The following CDC123 variants were observed in gnomAD, a reference collection of about 807,000 sequenced individuals.
The protein encoded by CDC123 is cell division cycle 123, also known as translation initiation factor eIF2 assembly protein.
A neutral mutation model predicts 54.4 loss-of-function variants in CDC123; 37 were observed. That is an observed-to-expected ratio of 0.68 (90% CI 0.52 to 0.89). CDC123 has a LOEUF of 0.89. CDC123 is among the 40% of genes least tolerant of loss of function. CDC123 has a pLI of 0.00. For missense variants in CDC123, 361 were observed against 412.1 expected (o/e 0.88, Z 1.07); for synonymous variants, 144 against 136.8 (o/e 1.05, Z -0.37).
chr10:12,226,262 A>G (rs1422696553), intron 6 of CDC123, among the ~76,000 whole-genome samples: 1 of 152,138 alleles, frequency 6.6e-6, no homozygotes, highest in Non-Finnish European at 1.5e-5. Context: ...CCCGTTCTCA[A>G]TGAGCTGTTG....
At chr10:12,213,032 A>G (rs1272524943) in intron 4 of CDC123, among the ~76,000 whole-genome samples, 1 of 152,218 alleles carries the variant, frequency 6.6e-6, no homozygotes, top group Admixed American at 6.5e-5. Flanking sequence ...TTATAGTACT[A>G]AAGGCACTAA....
chr10:12,221,589 C>G (rs1451474390), intron 6 of CDC123, among the ~76,000 whole-genome samples: 1 of 152,164 alleles, frequency 6.6e-6, no homozygotes, highest in Non-Finnish European at 1.5e-5. Flanking sequence ...TTAGATCAAG[C>G]TTGTCCAAGC....
Position 12,198,716 on chromosome 10 carries a change from C to A in CDC123, c.86C>A (p.Pro29Gln). 1.3e-6 allele frequency: 2 copies of A among 1,580,804 alleles called. No individual in the cohort carries two copies. Among genetic ancestry groups the A allele is most frequent in the Non-Finnish European group, 1.7e-6 (2 of 1,156,350 alleles). The change falls in exon 2 of 13, where the codon CCA (proline) becomes CAA (glutamine). Residue 29 changes from proline to glutamine, a missense_variant. Coordinates refer to ENST00000281141, the MANE Select transcript of CDC123 (RefSeq NM_006023.3). ...TGTTTTTTTTTTAGTGTCATTCTTC[C>A]ACTTCCTCAGAATGTGAAGGATTAT... Reference protein sequence around the residue: ...RGVTIKSVILPLPQNVKDYLL... With the variant: ...RGVTIKSVILQLPQNVKDYLL...
At chr10:12,204,569 C>G (rs1382808505) in intron 2 of CDC123, among the ~76,000 whole-genome samples, 1 of 152,040 alleles carries the variant, frequency 6.6e-6, no homozygotes, top group Non-Finnish European at 1.5e-5. Flanking sequence ...GTGACATTAG[C>G]ACATCGTGGA....
At chr10:12,210,678 ATATT>A (rs1433031249) in intron 4 of CDC123, among the ~76,000 whole-genome samples, 3 of 152,072 alleles carry the variant, frequency 2.0e-5, no homozygotes, top group Non-Finnish European at 2.9e-5. Flanking sequence ...TTATTCAAGT[ATATT>A]TATTTAGTTA....
chr10:12,246,131 TC>T lies in CDC123; in HGVS notation c.718-17del, dbSNP rs1344236661. On this transcript the variant is annotated splice_polypyrimidine_tract_variant and intron_variant, in intron 10 of 12. Transcript: ENST00000281141. ...ACAGAAGATGTTTGTTTTTGTTTTTTCTCTCTCTGTGCTACAGGGGAAGGTG... is the reference window on the plus strand; with the variant it reads ...ACAGAAGATGTTTGTTTTTGTTTTTTTCTCTCTGTGCTACAGGGGAAGGTG... 7.5e-6 allele frequency: 12 copies of T among 1,605,544 alleles called. No homozygotes were observed. Among genetic ancestry groups the T allele is most frequent in the Non-Finnish European group, 1.0e-5 (12 of 1,176,280 alleles).
intron 6 of CDC123, among the ~76,000 whole-genome samples, chr10:12,226,973 A>G (rs964558028): frequency 5.3e-5 from 8 of 152,152 alleles, no homozygotes; most frequent in African/African-American, 1.9e-4. Context: ...AACATTGAGC[A>G]CTGAGTGAGC....
chr10:12,218,775 C>A (rs1835694400), intron 6 of CDC123, among the ~76,000 whole-genome samples: 1 of 152,196 alleles, frequency 6.6e-6, no homozygotes, highest in African/African-American at 2.4e-5. Flanking sequence ...TGCTGTATTT[C>A]TTTCCTTTTG....
rs753146786 is a variant in CDC123 at position 12,250,343 on chromosome 10, G to A, written c.*6G>A. On this transcript the variant is annotated 3_prime_UTR_variant, in exon 13 of 13. Transcript: ENST00000281141. ...ATCAGCAGGAGGACGACTGATGAGC[G>A]TACTGGAACTGGAGAAGAGGAGGCC... The A allele has an allele frequency of 9.4e-6, 15 of 1,601,748 alleles. No individual in the cohort carries two copies. The highest frequency in any genetic ancestry group is 1.7e-4 in the Middle Eastern group (1 of 6,054).
chr10:12,231,141 A>T, intron 7 of CDC123, 145 bp downstream of exon 7: 2 of 653,384 alleles, frequency 3.1e-6, no homozygotes, highest in Non-Finnish European at 5.2e-6. Context: ...TTTATGAAAT[A>T]TACACATAAA....
chr10:12,210,394 T>G, intron 4 of CDC123, 72 bp downstream of exon 4: 2 of 1,521,574 alleles, frequency 1.3e-6, no homozygotes, highest in South Asian at 1.2e-5. Flanking sequence ...AAGGTTTAAG[T>G]GCATACCTCT....
At chr10:12,226,653 A>G (rs1835820529) in intron 6 of CDC123, among the ~76,000 whole-genome samples, 2 of 140,364 alleles carry the variant, frequency 1.4e-5, no homozygotes, top group Non-Finnish European at 3.2e-5. Context: ...CACATCCCAG[A>G]CGATGGGCTG....
At chr10:12,212,734 A>G (rs546720672) in intron 4 of CDC123, among the ~76,000 whole-genome samples, 3 of 152,326 alleles carry the variant, frequency 2.0e-5, no homozygotes, top group African/African-American at 7.2e-5. Flanking sequence ...TGCACAACCC[A>G]GCTCATTCAG....
intron 10 of CDC123, among the ~76,000 whole-genome samples, chr10:12,239,876 C>T (rs1588682850): frequency 6.6e-6 from 1 of 151,670 alleles, no homozygotes; most frequent in Admixed American, 6.6e-5. Flanking sequence ...GGTGTGTTGG[C>T]GGGCACTTGT....
At chr10:12,228,678 C>T (rs866615599) in intron 6 of CDC123, among the ~76,000 whole-genome samples, 1 of 152,186 alleles carries the variant, frequency 6.6e-6, no homozygotes, top group Non-Finnish European at 1.5e-5. Flanking sequence ...TCAAGCGATT[C>T]TCCTGCCTCA....
intron 2 of CDC123, among the ~76,000 whole-genome samples, chr10:12,208,265 T>C (rs930327266): frequency 6.6e-6 from 1 of 152,166 alleles, no homozygotes; most frequent in African/African-American, 2.4e-5. Flanking sequence ...TTATTTGTAG[T>C]TGTGTGTTGA....
intron 6 of CDC123, among the ~76,000 whole-genome samples, chr10:12,230,318 G>A (rs1588679303): frequency 6.6e-6 from 1 of 151,756 alleles, no homozygotes; most frequent in East Asian, 1.9e-4. Context: ...TCAGCCTCTC[G>A]AGTAGCTGGG....
At chr10:12,196,929 C>T (rs1205887080) in intron 1 of CDC123, among the ~76,000 whole-genome samples, 2 of 152,154 alleles carry the variant, frequency 1.3e-5, no homozygotes, top group African/African-American at 4.8e-5. Flanking sequence ...TTTCATCTCT[C>T]AGTTTTTTTA....
Position 12,250,556 on chromosome 10 carries a change from A to T in CDC123, c.*219A>T, listed in dbSNP as rs1836227657. The T allele has an allele frequency of 3.7e-6, 2 of 546,288 alleles. No individual in the cohort carries two copies. Among genetic ancestry groups the T allele is most frequent in the South Asian group, 2.6e-5 (1 of 38,992 alleles). 33.8% of individuals were successfully genotyped at this position (546,288 alleles called of 1,614,324 possible). A position where few individuals can be genotyped will look rare whatever the true frequency, so the allele number is the denominator to read the frequency against. On this transcript the variant is annotated 3_prime_UTR_variant, in exon 13 of 13. Transcript: ENST00000281141. ...TAGATCTTAAACATAGGAAAACCAT[A>T]CTGTTCTGATAATAAAATGCTTTCT...
Sources: allele counts gnomAD v4.1 joint callset (sites outside exome capture counted in the v4.1 genomes callset), GRCh38; gene constraint gnomAD v4.1.1; transcripts MANE v1.5; gene names NCBI Gene and HGNC (gene_info 2026-07-23, HGNC 2026-07-21).